Variants in UBAC2 observed in about 807,000 individuals in gnomAD.
UBAC2 encodes UBA domain containing 2.
A neutral mutation model predicts 44.0 loss-of-function variants in UBAC2; 26 were observed. The observed-to-expected ratio is 0.59, with a 90% CI of 0.43 to 0.82. The LOEUF is 0.82. Ranked by LOEUF, UBAC2 falls within the 40% of genes least tolerant of loss-of-function variation. UBAC2 has a pLI of 0.00. For missense variants in UBAC2, 329 were observed against 419.4 expected (o/e 0.78, Z 1.88); for synonymous variants, 155 against 154.3 (o/e 1.00, Z -0.04).
At chr13:99,345,625 A>C (rs1419203357) in intron 7 of UBAC2, among the ~76,000 whole-genome samples, 2 of 152,068 alleles carry the variant, frequency 1.3e-5, no homozygotes, top group Admixed American at 1.3e-4. Flanking sequence ...CTCAAGATCT[A>C]GAGACTGGAC....
chr13:99,237,285 C>T (rs1317579392), intron 1 of UBAC2, among the ~76,000 whole-genome samples: 203 of 151,890 alleles, frequency 1.3e-3, no homozygotes, highest in African/African-American at 4.5e-3. Flanking sequence ...CACACACACA[C>T]ACACACACAC....
intron 4 of UBAC2, among the ~76,000 whole-genome samples, chr13:99,265,391 T>C (rs374082583): frequency 4.6e-5 from 7 of 152,196 alleles, no homozygotes; most frequent in East Asian, 3.8e-4. Flanking sequence ...CTGTGCTTCT[T>C]TGGAAAAAAG....
At chr13:99,207,561 A>ATTGTGGCCTGC (rs1379874434) in intron 1 of UBAC2, among the ~76,000 whole-genome samples, 5 of 152,042 alleles carry the variant, frequency 3.3e-5, no homozygotes, top group African/African-American at 1.2e-4. Flanking sequence ...TTCTGGGCTC[A>ATTGTGGCCTGC]TTGTGGCCTG....
At chr13:99,356,118 T>TG (rs1433311284) in intron 7 of UBAC2, 3 of 527,226 alleles carry the variant, frequency 5.7e-6, no homozygotes, top group Non-Finnish European at 1.2e-5. Context: ...TTGGGACACA[T>TG]GTCTGTCAGA....
chr13:99,280,340 A>G (rs2043935868), intron 4 of UBAC2, among the ~76,000 whole-genome samples: 1 of 152,192 alleles, frequency 6.6e-6, no homozygotes, highest in Non-Finnish European at 1.5e-5. Context: ...TCACGCATAC[A>G]TCATTACAGA....
Position 99,237,269 on chromosome 13 carries a change from T to TACACACACACACAC in UBAC2, c.32-1157_32-1156insCACACACACACACA, listed in dbSNP as rs1345943442. The stretch of plus-strand genomic sequence containing the variant: ...AATTTTATGCGTATATATATATATA[T>TACACACACACACAC]ATACACACACACACACACACACACA... On this transcript the variant is annotated intron_variant, in intron 1 of 8. Transcript: ENST00000403766. Among the ~76,000 whole-genome samples, 4 of 122,798 alleles carry TACACACACACACAC rather than the reference T, an allele frequency of 3.3e-5. No homozygotes were observed. The South Asian group carries it at 7.3e-4, about 23-fold the overall frequency. 80.6% of individuals were successfully genotyped at this position (122,798 alleles called of 152,430 possible).
At chr13:99,222,280 C>T (rs1212319476) in intron 1 of UBAC2, among the ~76,000 whole-genome samples, 1 of 152,140 alleles carries the variant, frequency 6.6e-6, no homozygotes, top group Non-Finnish European at 1.5e-5. Context: ...GATGGAAGGC[C>T]ACTCTGAGGA....
At chr13:99,219,469 G>A (rs920698151) in intron 1 of UBAC2, among the ~76,000 whole-genome samples, 1 of 152,160 alleles carries the variant, frequency 6.6e-6, no homozygotes, top group African/African-American at 2.4e-5. Flanking sequence ...GAAACGGAGT[G>A]CCCATTAAGC....
In UBAC2 at chr13:99,384,831, T is replaced by TGTGATGCCAGGGCCGAGCGTGGCAGTGAC. The variant is rs1566533724; in HGVS notation, c.928-396_928-395insTGATGCCAGGGCCGAGCGTGGCAGTGACG. 3.6e-4 allele frequency among the ~76,000 whole-genome samples: 40 copies of TGTGATGCCAGGGCCGAGCGTGGCAGTGAC among 112,326 alleles called. 1 individual carries two copies. Among genetic ancestry groups the TGTGATGCCAGGGCCGAGCGTGGCAGTGAC allele is most frequent in the Admixed American group, 1.2e-3 (14 of 11,908 alleles). 73.7% of individuals were successfully genotyped at this position (112,326 alleles called of 152,430 possible). A position where few individuals can be genotyped will look rare whatever the true frequency, so the allele number is the denominator to read the frequency against. Reference sequence around the variant, plus strand: ...ATGCCAGGGCCGAGCGTGGCAGTGATGCCAGGAGTGCGATGCCAGGGCTGA... The same window carrying TGTGATGCCAGGGCCGAGCGTGGCAGTGAC: ...ATGCCAGGGCCGAGCGTGGCAGTGATGTGATGCCAGGGCCGAGCGTGGCAGTGACGCCAGGAGTGCGATGCCAGGGCTGA... On this transcript the variant is annotated intron_variant, in intron 8 of 8. Transcript: ENST00000403766.
At chr13:99,305,198 C>T (rs1328413943) in intron 4 of UBAC2, among the ~76,000 whole-genome samples, 1 of 152,154 alleles carries the variant, frequency 6.6e-6, no homozygotes, top group Non-Finnish European at 1.5e-5. Flanking sequence ...TAGATATTTG[C>T]AGAGATTTAA....
At chr13:99,366,084 T>C (rs1446068143) in intron 7 of UBAC2, among the ~76,000 whole-genome samples, 1 of 152,224 alleles carries the variant, frequency 6.6e-6, no homozygotes, top group Non-Finnish European at 1.5e-5. Context: ...TGTACGTCTT[T>C]ATATTTTAGA....
intron 4 of UBAC2, chr13:99,254,964 G>C (rs59722139): frequency 1.2e-6 from 2 of 1,614,002 alleles, no homozygotes; most frequent in East Asian, 4.5e-5. Flanking sequence ...GGTAATTACG[G>C]TATAGCATGA....
At chr13:99,287,738 G>A (rs1401259150) in intron 4 of UBAC2, among the ~76,000 whole-genome samples, 1 of 144,440 alleles carries the variant, frequency 6.9e-6, no homozygotes, top group Non-Finnish European at 1.5e-5. Context: ...TCCTGTCTCA[G>A]CCTGCCAAAG....
At chr13:99,294,881 G>T in intron 4 of UBAC2, 2 of 561,142 alleles carry the variant, frequency 3.6e-6, no homozygotes, top group South Asian at 3.0e-5. Flanking sequence ...TGTGCTTTAT[G>T]TTGTTTGCTT....
intron 6 of UBAC2, among the ~76,000 whole-genome samples, chr13:99,338,031 C>CTTTTTTTTTTTTTTTTTTTTTTT (rs1053874226): frequency 2.4e-5 from 1 of 41,768 alleles, no homozygotes; most frequent in African/African-American, 7.6e-5. Flanking sequence ...AATCTCCTAA[C>CTTTTTTTTTTTTTTTTTTTTTTT]TTTTTTTCTT....
intron 4 of UBAC2, among the ~76,000 whole-genome samples, chr13:99,305,349 A>C (rs1053220862): frequency 3.5e-4 from 53 of 151,738 alleles, no homozygotes; most frequent in African/African-American, 1.2e-3. Flanking sequence ...TAAACCCCCC[A>C]GACTGGAGAA....
intron 4 of UBAC2, among the ~76,000 whole-genome samples, chr13:99,251,961 A>G (rs1445222071): frequency 1.3e-5 from 2 of 152,094 alleles, no homozygotes; most frequent in Non-Finnish European, 2.9e-5. Context: ...AGGTCTTGCC[A>G]TGTTATCCAG....
chr13:99,373,779 C>T (rs1476928978), intron 8 of UBAC2, among the ~76,000 whole-genome samples: 1 of 152,166 alleles, frequency 6.6e-6, no homozygotes, highest in Non-Finnish European at 1.5e-5. Flanking sequence ...GGAGGCCAGA[C>T]AGGCTCGCCA....
At chr13:99,259,359 T>TC (rs2043622559) in intron 4 of UBAC2, among the ~76,000 whole-genome samples, 3 of 151,910 alleles carry the variant, frequency 2.0e-5, no homozygotes, top group South Asian at 2.1e-4. Context: ...TTTTTTTTTT[T>TC]CTCAGACAAA....
Sources: allele counts gnomAD v4.1 joint callset (sites outside exome capture counted in the v4.1 genomes callset), GRCh38; gene constraint gnomAD v4.1.1; transcripts MANE v1.5; gene names NCBI Gene and HGNC (gene_info 2026-07-23, HGNC 2026-07-21).